The following ZNF423 variants were observed in gnomAD, a reference collection of about 807,000 sequenced individuals.
ZNF423 encodes the protein zinc finger protein 423, also known as Ebf-associated zinc finger protein.
In ZNF423, 12 loss-of-function variants were observed where a neutral mutation model predicts 95.8. The observed-to-expected ratio is 0.13, with a 90% CI of 0.08 to 0.20. The LOEUF (loss-of-function observed/expected upper bound fraction) is 0.20. Among genes scored for constraint, ZNF423 ranks in the 10% least tolerant of loss-of-function variants. The pLI is 1.00. For synonymous variants in ZNF423, 749 were observed against 711.9 expected (o/e 1.05, Z -0.83); for missense variants, 1,316 against 1,737.1 (o/e 0.76, Z 4.31).
chr16:49,626,313 G>A (rs989878702), intron 4 of ZNF423, 59 bp from the exon 5 acceptor site: 9 of 1,554,840 alleles, frequency 5.8e-6, no homozygotes. Context: ...AAAGGAGAAA[G>A]CAAAAGTTCC....
intron 3 of ZNF423, among the ~76,000 whole-genome samples, chr16:49,644,108 G>A (rs1973076995): frequency 6.6e-6 from 1 of 152,214 alleles, no homozygotes; most frequent in Non-Finnish European, 1.5e-5. Context: ...AGATGCTGGA[G>A]AAGGTGCTCG....
chr16:49,640,760 C>G (rs543645744), intron 3 of ZNF423: 3 of 152,514 alleles, frequency 2.0e-5, no homozygotes, highest in African/African-American at 7.2e-5. Flanking sequence ...GCTCCCCAGC[C>G]CAGCTCAAGG....
At position 49,789,532 on chromosome 16, in the gene ZNF423, C is replaced by A. The variant is rs1291395410; in HGVS notation, c.55G>T (p.Ala19Ser). Reference protein sequence around the residue: ...PRSVKVEEGEASDFSLAWDSS... With the variant: ...PRSVKVEEGESSDFSLAWDSS... ...TCCCAGGCCAGCGAGAAGTCTGAGGCCTCCCCCTCTTCAACTGAAAGAGAG... is the reference window on the plus strand; with the variant it reads ...TCCCAGGCCAGCGAGAAGTCTGAGGACTCCCCCTCTTCAACTGAAAGAGAG... Residue 19 changes from alanine (A) to serine (S), a missense_variant, in exon 2 of 8, where the codon GCC becomes TCC. This residue lies in a region of ZNF423 where 155 missense variants were observed against 170.8 expected (regional missense o/e 0.91). Coordinates refer to ENST00000563137, the MANE Select transcript of ZNF423 (RefSeq NM_001379286.1). The A allele has an allele frequency of 5.0e-6, 8 of 1,612,002 alleles. No individual in the cohort carries two copies. The highest frequency in any genetic ancestry group is 5.1e-6 in the Non-Finnish European group (6 of 1,179,486).
In ZNF423 at chr16:49,839,664, C is replaced by T. The variant is rs573096882; in HGVS notation, c.40+16071G>A. Among the ~76,000 whole-genome samples, 7 of 152,298 alleles carry T rather than the reference C, an allele frequency of 4.6e-5. No individual in the cohort carries two copies. The East Asian group carries it at 1.4e-3, about 29-fold the overall frequency. On this transcript the variant is annotated intron_variant, in intron 1 of 7. Transcript: ENST00000563137. ...AGCCCCAAGGAACTGACTCGCGGCC[C>T]CAGGAAAGCCTCCAGAGAGAACAGA...
At chr16:49,677,310 A>G (rs2031132632) in intron 3 of ZNF423, among the ~76,000 whole-genome samples, 1 of 75,498 alleles carries the variant, frequency 1.3e-5, no homozygotes, top group Non-Finnish European at 2.5e-5. Context: ...AGAGAAGAGA[A>G]AGGAGGGGAA....
In ZNF423 at chr16:49,552,436, G is replaced by A. The variant is rs1056546918; in HGVS notation, c.3602-26942C>T. On this transcript the variant is annotated intron_variant, in intron 5 of 7. Coordinates refer to ENST00000563137, the MANE Select transcript of ZNF423 (RefSeq NM_001379286.1). Reference sequence around the variant, plus strand: ...CTGGTGAGAAGACAGGGTGGAGGGGGGCAAGGGGCCAGCGCAGCCCCTGCA... The same window carrying A: ...CTGGTGAGAAGACAGGGTGGAGGGGAGCAAGGGGCCAGCGCAGCCCCTGCA... Among the ~76,000 whole-genome samples the A allele has an allele frequency of 2.0e-5, 3 of 152,304 alleles. No homozygotes were observed. In the Middle Eastern group the frequency reaches 0.01, roughly 518 times the overall value.
intron 3 of ZNF423, chr16:49,664,304 C>A: frequency 1.0e-6 from 1 of 985,880 alleles, no homozygotes; most frequent in Non-Finnish European, 1.2e-6. Flanking sequence ...GCTGCTCCCG[C>A]GGCGGCGCTT....
intron 1 of ZNF423, among the ~76,000 whole-genome samples, chr16:49,823,946 T>G (rs903002969): frequency 6.6e-6 from 1 of 151,878 alleles, no homozygotes; most frequent in Non-Finnish European, 1.5e-5. Flanking sequence ...AAATAAAAAT[T>G]TGGTACACAC....
At chr16:49,716,778 TG>T (rs2032720139) in intron 3 of ZNF423, among the ~76,000 whole-genome samples, 1 of 152,140 alleles carries the variant, frequency 6.6e-6, no homozygotes, top group Non-Finnish European at 1.5e-5. Context: ...GCCAGTGGGC[TG>T]GGGTGCTGGG....
At chr16:49,731,024 G>A in intron 2 of ZNF423, 53 bp from the exon 3 acceptor site, 1 of 1,590,572 alleles carries the variant, frequency 6.3e-7, no homozygotes, top group Non-Finnish European at 8.6e-7. Context: ...TTGGGAAAGG[G>A]TTTTAAAAGA....
intron 2 of ZNF423, among the ~76,000 whole-genome samples, chr16:49,743,514 G>A (rs535808583): frequency 6.6e-6 from 1 of 152,284 alleles, no homozygotes; most frequent in East Asian, 1.9e-4. Context: ...ATGTGTTGAA[G>A]AAGCTGTCTG....
chr16:49,645,186 C>T (rs776957226), intron 3 of ZNF423, among the ~76,000 whole-genome samples: 4 of 152,156 alleles, frequency 2.6e-5, no homozygotes, highest in Non-Finnish European at 5.9e-5. Flanking sequence ...TTGTAATACA[C>T]CAAGCAGAGC....
chr16:49,695,040 C>T (rs781744355), intron 3 of ZNF423, among the ~76,000 whole-genome samples: 25 of 152,252 alleles, frequency 1.6e-4, no homozygotes, highest in Non-Finnish European at 3.5e-4. Flanking sequence ...GTCCCTTCCC[C>T]TCCCTGGGCT....
chr16:49,630,244 G>A (rs917617005), intron 4 of ZNF423, among the ~76,000 whole-genome samples: 1 of 152,150 alleles, frequency 6.6e-6, no homozygotes, highest in Non-Finnish European at 1.5e-5. Context: ...CTTCTCAGGA[G>A]ATGCAGCCCA....
At chr16:49,651,119 C>G (rs555790522) in intron 3 of ZNF423, among the ~76,000 whole-genome samples, 1 of 152,000 alleles carries the variant, frequency 6.6e-6, no homozygotes, top group South Asian at 2.1e-4. Flanking sequence ...CTCCTGGGCT[C>G]AAGCGATCCT....
At chr16:49,643,196 T>G (rs1973041233) in intron 3 of ZNF423, among the ~76,000 whole-genome samples, 1 of 152,092 alleles carries the variant, frequency 6.6e-6, no homozygotes, top group Non-Finnish European at 1.5e-5. Flanking sequence ...CCTGCAACTG[T>G]GGCCAAGGCA....
chr16:49,657,713 G>A (rs1307438092), intron 3 of ZNF423, among the ~76,000 whole-genome samples: 1 of 152,180 alleles, frequency 6.6e-6, no homozygotes, highest in Non-Finnish European at 1.5e-5. Context: ...GCCTTTCCCT[G>A]GCCCTGTCTC....
At chr16:49,714,757 C>CAA (rs11393701) in intron 3 of ZNF423, among the ~76,000 whole-genome samples, 6 of 148,644 alleles carry the variant, frequency 4.0e-5, no homozygotes, top group Non-Finnish European at 6.0e-5. Flanking sequence ...CCCATCTCTA[C>CAA]AAAAAAAAAA....
At chr16:49,726,649 T>C (rs1428259325) in intron 3 of ZNF423, among the ~76,000 whole-genome samples, 1 of 152,170 alleles carries the variant, frequency 6.6e-6, no homozygotes, top group Non-Finnish European at 1.5e-5. Flanking sequence ...TGCCATTTCC[T>C]GACTTGGTGC....
Sources: gnomAD v4.1 joint callset for allele counts (sites outside exome capture counted in the v4.1 genomes callset) on GRCh38, gnomAD v4.1.1 for gene constraint, gnomAD v4.1.1 regional missense constraint, MANE v1.5 for transcripts, NCBI Gene and HGNC (gene_info 2026-07-23, HGNC 2026-07-21) for gene names.